Variants in TRPM7 observed in about 807,000 individuals in gnomAD.
The protein encoded by TRPM7 is transient receptor potential cation channel subfamily M member 7.
Under a neutral mutation model 229.7 loss-of-function variants are expected in TRPM7, and 134 were observed. That is an observed-to-expected ratio of 0.58 (90% confidence interval 0.51 to 0.67). The LOEUF is 0.67. Ranked by LOEUF, TRPM7 falls within the 30% of genes least tolerant of loss-of-function variation. TRPM7 has a pLI of 0.00. For synonymous variants in TRPM7, 699 were observed against 715.2 expected, an observed-to-expected ratio of 0.98 and a Z score of 0.36; for missense variants, 1,901 against 2,210.0, an observed-to-expected ratio of 0.86 and a Z score of 2.80.
At chr15:50,643,063 T>G (rs2061150236) in intron 5 of TRPM7, among the ~76,000 whole-genome samples, 1 of 152,134 alleles carries the variant, frequency 6.6e-6, no homozygotes, top group South Asian at 2.1e-4. Context: ...AGGATAATTT[T>G]GCGGATCACG....
At chr15:50,685,214 G>A (rs1007201912) in intron 1 of TRPM7, among the ~76,000 whole-genome samples, 2 of 152,202 alleles carry the variant, frequency 1.3e-5, no homozygotes, top group South Asian at 2.1e-4. Context: ...TGTAATCCCA[G>A]GACTTTGGGG....
chr15:50,596,421 A>G (rs2059634719), intron 22 of TRPM7, 40 bp from the exon 23 acceptor site: 1 of 1,498,666 alleles, frequency 6.7e-7, no homozygotes, highest in Non-Finnish European at 9.0e-7. Flanking sequence ...AACAACTTAA[A>G]AATAGTAATT....
chr15:50,623,056 G>T (rs1260737873), intron 12 of TRPM7, among the ~76,000 whole-genome samples: 1 of 152,080 alleles, frequency 6.6e-6, no homozygotes, highest in Non-Finnish European at 1.5e-5. Flanking sequence ...TCAATAAATG[G>T]GTTATTAGTT....
intron 1 of TRPM7, among the ~76,000 whole-genome samples, chr15:50,679,528 A>T (rs2062191387): frequency 2.1e-5 from 1 of 47,382 alleles, no homozygotes; most frequent in South Asian, 6.4e-4. Context: ...ATATATATAT[A>T]TATATATATA....
In TRPM7 at chr15:50,686,736, T is replaced by G. The variant is rs112540614; in HGVS notation, c.-203A>C. The G allele has an allele frequency of 0.045, 27,942 of 615,436 alleles. 875 individuals carry two copies. The highest frequency in any genetic ancestry group is 0.11 in the African/African-American group (5,514 of 51,150). The allele number at this position is 615,436 out of a possible 1,614,324, so 38.1% of individuals were successfully genotyped here. A position where few individuals can be genotyped will look rare whatever the true frequency, so the allele number is the denominator to read the frequency against. On this transcript the variant is annotated 5_prime_UTR_variant, in exon 1 of 39. Transcript: ENST00000646667. ...CTTTCATAATTGTGCGACCAACTCC[T>G]CCGGGTGACTGGCCACAGGGACGCG...
intron 1 of TRPM7, 55 bp downstream of exon 1, chr15:50,686,476 T>A: frequency 6.2e-7 from 1 of 1,614,084 alleles, no homozygotes; most frequent in South Asian, 1.1e-5. Flanking sequence ...AGTCTCTCCT[T>A]TACCGCCCGC....
chr15:50,610,683 G>T (rs902940317), intron 17 of TRPM7, among the ~76,000 whole-genome samples: 1 of 151,994 alleles, frequency 6.6e-6, no homozygotes, highest in Non-Finnish European at 1.5e-5. Context: ...TCTATAATGG[G>T]TATATCAATA....
At chr15:50,637,364 T>C in intron 7 of TRPM7, 58 bp downstream of exon 7, 17 of 1,462,842 alleles carry the variant, frequency 1.2e-5, no homozygotes, top group Non-Finnish European at 1.5e-5. Flanking sequence ...TCTTTGAATT[T>C]GGCTATTAGT....
At chr15:50,632,696 TATG>T (rs2140667311) in intron 9 of TRPM7, among the ~76,000 whole-genome samples, 170 bp downstream of exon 9, 1 of 152,344 alleles carries the variant, frequency 6.6e-6, no homozygotes, top group East Asian at 1.9e-4. Flanking sequence ...GGCCTCCTTC[TATG>T]ATACCTCTCA....
chr15:50,624,647 T>C (rs964159535), intron 11 of TRPM7, among the ~76,000 whole-genome samples: 1 of 152,170 alleles, frequency 6.6e-6, no homozygotes, highest in East Asian at 1.9e-4. Flanking sequence ...GTGGGAAGGA[T>C]TATTTCAATA....
intron 36 of TRPM7, 145 bp downstream of exon 36, chr15:50,574,129 G>T: frequency 1.5e-6 from 1 of 655,438 alleles, no homozygotes. Context: ...ATGGCTATAT[G>T]CTATGACTGT....
At chr15:50,610,011 GAATAT>G (rs1266965904) in intron 17 of TRPM7, 50 bp from the exon 18 acceptor site, 3 of 1,253,436 alleles carry the variant, frequency 2.4e-6, no homozygotes, top group East Asian at 2.5e-5. Flanking sequence ...TGACCTTCAA[GAATAT>G]AATAAAAACA....
chr15:50,588,264 G>A, intron 27 of TRPM7: 2 of 983,670 alleles, frequency 2.0e-6, no homozygotes, highest in Non-Finnish European at 2.4e-6. Context: ...TTTGAGGTAA[G>A]AAAATTATGC....
intron 10 of TRPM7, among the ~76,000 whole-genome samples, chr15:50,631,020 A>G (rs1217536465): frequency 6.6e-6 from 1 of 152,046 alleles, no homozygotes; most frequent in Non-Finnish European, 1.5e-5. Flanking sequence ...TTTTGTAGAG[A>G]TGGGTCTATC....
intron 12 of TRPM7, 40 bp downstream of exon 12, chr15:50,624,126 G>C (rs2060494786): frequency 1.3e-6 from 2 of 1,563,350 alleles, no homozygotes; most frequent in African/African-American, 1.4e-5. Flanking sequence ...TTTCCCAAAA[G>C]ATAAAATGTA....
chr15:50,615,874 C>A (rs1001772193), intron 13 of TRPM7, among the ~76,000 whole-genome samples: 1 of 152,008 alleles, frequency 6.6e-6, no homozygotes, highest in African/African-American at 2.4e-5. Context: ...CTAGCATGGG[C>A]AACAAAGGCG....
At chr15:50,635,231 T>C (rs2060854763) in intron 7 of TRPM7, among the ~76,000 whole-genome samples, 1 of 138,376 alleles carries the variant, frequency 7.2e-6, no homozygotes, top group Non-Finnish European at 1.5e-5. Context: ...GGCAGGAGAA[T>C]CACCTGAACC....
chr15:50,660,899 G>T (rs1030114782), intron 2 of TRPM7, among the ~76,000 whole-genome samples: 4 of 151,470 alleles, frequency 2.6e-5, no homozygotes, highest in Non-Finnish European at 5.9e-5. Flanking sequence ...GCTAAAAATC[G>T]AAAACAACTA....
At chr15:50,645,885 T>G (rs2061248591) in intron 4 of TRPM7, among the ~76,000 whole-genome samples, 1 of 152,100 alleles carries the variant, frequency 6.6e-6, no homozygotes, top group Admixed American at 6.6e-5. Context: ...CCGGGCATGG[T>G]GGCTCACACC....
Sources: gnomAD v4.1 joint callset for allele counts (sites outside exome capture counted in the v4.1 genomes callset) on GRCh38, gnomAD v4.1.1 for gene constraint, MANE v1.5 for transcripts, NCBI Gene and HGNC (gene_info 2026-07-23, HGNC 2026-07-21) for gene names.